Variants in PWWP2A observed in about 807,000 individuals in gnomAD.
PWWP2A encodes PWWP domain-containing protein 2A.
Under a neutral mutation model 48.5 loss-of-function variants are expected in PWWP2A, and 18 were observed. The observed-to-expected ratio is 0.37, with a 90% CI of 0.26 to 0.55. The LOEUF (loss-of-function observed/expected upper bound fraction) is 0.55. Ranked by LOEUF, PWWP2A falls within the 20% of genes least tolerant of loss-of-function variation. PWWP2A has a pLI of 0.81. For synonymous variants in PWWP2A, 396 were observed against 387.7 expected (o/e 1.02, Z -0.25); for missense variants, 867 against 976.4 (o/e 0.89, Z 1.49).
chr5:160,118,787 T>A lies in PWWP2A; in HGVS notation c.584+18A>T. ...GGGGACCCAGCGGACCGGAGGGTGC[T>A]GGGGGCGGGCGCGGTACCTTTTGGA... On this transcript the variant is annotated intron_variant, in intron 1 of 1. Coordinates refer to ENST00000307063, the MANE Select transcript of PWWP2A (RefSeq NM_001130864.2). 7.0e-7 allele frequency: 1 copy of A among 1,431,214 alleles called. No individual in the cohort carries two copies. Among genetic ancestry groups the A allele is most frequent in the Non-Finnish European group, 9.2e-7 (1 of 1,087,906 alleles). 88.7% of individuals were successfully genotyped at this position (1,431,214 alleles called of 1,614,324 possible). A position where few individuals can be genotyped will look rare whatever the true frequency, so the allele number is the denominator to read the frequency against.
intron 1 of PWWP2A, chr5:160,105,692 G>C: frequency 5.2e-6 from 5 of 967,404 alleles, no homozygotes; most frequent in Non-Finnish European, 6.1e-6. Flanking sequence ...GAGAGAAAGA[G>C]AAAAAGATTA....
At chr5:160,108,706 T>C in intron 1 of PWWP2A, 2 of 576,016 alleles carry the variant, frequency 3.5e-6, no homozygotes, top group South Asian at 3.1e-5. Flanking sequence ...TAGTGAAAAC[T>C]GAAGTTTCCT....
intron 1 of PWWP2A, chr5:160,116,594 A>G (rs1306357145): frequency 2.8e-5 from 25 of 881,824 alleles, no homozygotes; most frequent in Non-Finnish European, 3.4e-5. Context: ...CATGAGACCA[A>G]AACTCAATAG....
chr5:160,072,184 C>G (rs529032023), downstream of PWWP2A, among the ~76,000 whole-genome samples: 19 of 152,312 alleles, frequency 1.2e-4, no homozygotes, highest in South Asian at 3.7e-3. Context: ...TTTGCAATCA[C>G]TTCCTCCTGT....
chr5:160,052,617 C>T, the PWWP2A span, among the ~76,000 whole-genome samples: 1 of 138,612 alleles, frequency 7.2e-6, no homozygotes, highest in Admixed American at 7.3e-5. Flanking sequence ...AAAAAGATGA[C>T]CTTGTGAATG....
At chr5:160,085,208 T>A (rs1754536812) in intron 2 of PWWP2A, among the ~76,000 whole-genome samples, 1 of 151,928 alleles carries the variant, frequency 6.6e-6, no homozygotes, top group South Asian at 2.1e-4. Context: ...TTTGTATTTT[T>A]AGTACAGACA....
chr5:160,101,431 G>C (rs1756276984), intron 1 of PWWP2A, among the ~76,000 whole-genome samples: 1 of 152,156 alleles, frequency 6.6e-6, no homozygotes, highest in South Asian at 2.1e-4. Context: ...AAAAGATATT[G>C]TATGAATCCA....
intron 1 of PWWP2A, among the ~76,000 whole-genome samples, chr5:160,106,440 T>C (rs757451273): frequency 1.4e-4 from 22 of 152,132 alleles, no homozygotes; most frequent in African/African-American, 4.8e-4. Context: ...TGAAAATACA[T>C]AGTAGCTACT....
downstream of PWWP2A, among the ~76,000 whole-genome samples, chr5:160,058,413 T>G (rs113905351): frequency 1.0e-4 from 15 of 146,468 alleles, no homozygotes; most frequent in African/African-American, 4.0e-4. Context: ...GTATTTCTTT[T>G]TTTTTTTTTT....
chr5:160,089,865 A>G, downstream of PWWP2A: 1 of 985,340 alleles, frequency 1.0e-6, no homozygotes, highest in Non-Finnish European at 1.2e-6. Context: ...AAAGAGAAAT[A>G]TAAAGTGGCT....
At chr5:160,097,393 T>C (rs1287993937) in intron 1 of PWWP2A, among the ~76,000 whole-genome samples, 10 of 121,470 alleles carry the variant, frequency 8.2e-5, no homozygotes, top group African/African-American at 3.1e-4. Context: ...ACGCCTGTAA[T>C]CCCAACACTT....
chr5:160,090,171 T>G (rs1449993061), downstream of PWWP2A: 13 of 952,904 alleles, frequency 1.4e-5, no homozygotes, highest in Middle Eastern at 5.4e-4. Flanking sequence ...AACAATCATG[T>G]TTTTTTTTTC....
chr5:160,094,336 T>G (rs1755394957), intron 1 of PWWP2A, among the ~76,000 whole-genome samples: 1 of 152,228 alleles, frequency 6.6e-6, no homozygotes, highest in Non-Finnish European at 1.5e-5. Flanking sequence ...TTTCCAGTCT[T>G]GAATCAGAAT....
chr5:160,098,587 T>G (rs1481372410), intron 1 of PWWP2A, among the ~76,000 whole-genome samples: 1 of 152,130 alleles, frequency 6.6e-6, no homozygotes, highest in Admixed American at 6.6e-5. Flanking sequence ...AGAGTAGAAG[T>G]AAATATCTGT....
chr5:160,058,433 C>T (rs1402545341), downstream of PWWP2A, among the ~76,000 whole-genome samples: 4 of 134,918 alleles, frequency 3.0e-5, no homozygotes, highest in African/African-American at 5.6e-5. Context: ...TTTTTTGAGA[C>T]GGAGTCTCGC....
chr5:160,070,916 C>G (rs1441808276), downstream of PWWP2A, among the ~76,000 whole-genome samples: 1 of 152,116 alleles, frequency 6.6e-6, no homozygotes, highest in Non-Finnish European at 1.5e-5. Context: ...GGCCAGGCGC[C>G]GTGGCTCACG....
At chr5:160,082,006 T>C (rs1754267082) in intron 2 of PWWP2A, among the ~76,000 whole-genome samples, 1 of 152,226 alleles carries the variant, frequency 6.6e-6, no homozygotes, top group Admixed American at 6.5e-5. Context: ...AAATAATTAC[T>C]TCTGAATTTT....
intron 4 of PWWP2A, chr5:160,066,508 G>A (rs1417636466): frequency 1.6e-4 from 24 of 151,708 alleles, no homozygotes; most frequent in Admixed American, 1.4e-3. Flanking sequence ...ATGTTAGCCA[G>A]GCTGGTCTTG....
chr5:160,065,278 T>A, intron 4 of PWWP2A: 1 of 760,364 alleles, frequency 1.3e-6, no homozygotes, highest in Non-Finnish European at 2.2e-6. Context: ...CATTTTAAGG[T>A]GGTGTCTGTG....
Sources: gnomAD v4.1 joint callset for allele counts (sites outside exome capture counted in the v4.1 genomes callset) on GRCh38, gnomAD v4.1.1 for gene constraint, MANE v1.5 for transcripts, NCBI Gene and HGNC (gene_info 2026-07-23, HGNC 2026-07-21) for gene names.